Variants in PAPLN observed in about 807,000 individuals in gnomAD.
PAPLN encodes papilin, proteoglycan like sulfated glycoprotein.
In PAPLN, 146 loss-of-function variants were observed where a neutral mutation model predicts 159.0. The ratio of observed to expected loss-of-function variants is 0.92; its 90% confidence interval spans 0.80 to 1.05. The LOEUF is 1.05. PAPLN is among the 50% of genes least tolerant of loss of function. The probability of loss-of-function intolerance (pLI) is 0.00; values close to 1 mark genes in which losing one functional copy is unlikely to be tolerated. For missense variants in PAPLN, 1,720 were observed against 1,743.9 expected (o/e 0.99, Z 0.24); for synonymous variants, 734 against 702.9 (o/e 1.04, Z -0.70).
intron 14 of PAPLN, among the ~76,000 whole-genome samples, chr14:73,256,380 A>C (rs1199794638): frequency 6.6e-6 from 1 of 151,816 alleles, no homozygotes; most frequent in East Asian, 1.9e-4. Flanking sequence ...AAAATACAAA[A>C]AATTAGCTGG....
In PAPLN at chr14:73,245,933, C is replaced by T. The variant is rs892755464; in HGVS notation, c.232-140C>T. 8 of 957,658 alleles carry T rather than the reference C, an allele frequency of 8.4e-6. No homozygotes were observed. Among genetic ancestry groups the T allele is most frequent in the Admixed American group, 3.0e-5 (1 of 33,732 alleles). The allele number at this position is 957,658 out of a possible 1,614,324, so 59.3% of individuals were successfully genotyped here. On this transcript the variant is annotated intron_variant, in intron 4 of 26. Coordinates refer to ENST00000644200, the MANE Select transcript of PAPLN (RefSeq NM_001365906.3). The surrounding 1 kb of genome is among the most constrained non-coding windows in gnomAD (Gnocchi z 4.2). Reference sequence around the variant, plus strand: ...GGGCACGCACAGGAGTTCGGGGGTCCGGGGGGCGGACTCCACCTCCGGCGG... The same window carrying T: ...GGGCACGCACAGGAGTTCGGGGGTCTGGGGGGCGGACTCCACCTCCGGCGG...
rs1011641926 is a variant in PAPLN at position 73,244,475 on chromosome 14, T to C, written c.55-169T>C. 4 of 574,316 alleles carry C rather than the reference T, an allele frequency of 7.0e-6. No homozygotes were observed. The Admixed American group carries it at 9.7e-5, about 14-fold the overall frequency. 35.6% of individuals were successfully genotyped at this position (574,316 alleles called of 1,614,324 possible). A position where few individuals can be genotyped will look rare whatever the true frequency, so the allele number is the denominator to read the frequency against. ...AGCAGGCTAATTCTGAAAAGGAATA[T>C]GTTTTGGGGTGCCCGGCAGTGTTGC... On this transcript the variant is annotated intron_variant, in intron 2 of 26. Transcript: ENST00000644200.
intron 19 of PAPLN, chr14:73,263,225 G>A (rs906764807): frequency 1.9e-5 from 6 of 323,750 alleles, no homozygotes; most frequent in African/African-American, 4.2e-5. Flanking sequence ...CACAGGTGTG[G>A]GTTCTGGTCA....
Position 73,273,240 on chromosome 14 carries a change from A to G in PAPLN, c.*576A>G, listed in dbSNP as rs575938858. On this transcript the variant is annotated 3_prime_UTR_variant, in exon 27 of 27. Transcript: ENST00000644200. ...GATGATCTGCCCGCCTCAGCCTCCC[A>G]AAGTGCTGGGATTACAGGCATGAGC... 6.6e-6 allele frequency: 1 copy of G among 151,590 alleles called. No individual in the cohort carries two copies. The highest frequency in any genetic ancestry group is 2.4e-5 in the African/African-American group (1 of 41,276). The allele number at this position is 151,590 out of a possible 1,614,324, so 9.4% of individuals were successfully genotyped here.
At chr14:73,253,116 C>T (rs1188576536) in intron 11 of PAPLN, 3 of 1,404,884 alleles carry the variant, frequency 2.1e-6, no homozygotes, top group Non-Finnish European at 2.8e-6. Flanking sequence ...GGGGTCAGGC[C>T]AAAGGGCCTG....
At chr14:73,261,342 C>G (rs756112294) in intron 18 of PAPLN, 48 bp downstream of exon 18, 1 of 1,591,650 alleles carries the variant, frequency 6.3e-7, no homozygotes, top group African/African-American at 1.3e-5. Context: ...GACTCTGCTC[C>G]CACCATGCCT....
chr14:73,256,532 C>CAAAA lies in PAPLN; in HGVS notation c.1627+1530_1627+1533dup, dbSNP rs57667060. Among the ~76,000 whole-genome samples, 113 of 92,662 alleles carry CAAAA rather than the reference C, an allele frequency of 1.2e-3. 3 individuals carry two copies. The South Asian group carries it at 0.025, about 21-fold the overall frequency. 60.8% of individuals were successfully genotyped at this position (92,662 alleles called of 152,430 possible). On this transcript the variant is annotated intron_variant, in intron 14 of 26. Coordinates refer to ENST00000644200, the MANE Select transcript of PAPLN (RefSeq NM_001365906.3). ...GAGCAACAAGAGTGAGACTCTGTCT[C>CAAAA]AAAAAAAAAAAAAAAAAAAGAAATA...
At chr14:73,262,242 T>C (rs965541250) in intron 18 of PAPLN, 108 bp from the exon 19 acceptor site, 5 of 1,132,220 alleles carry the variant, frequency 4.4e-6, no homozygotes, top group Non-Finnish European at 5.1e-6. Context: ...GTAGACATGC[T>C]TTATAAGTGG....
chr14:73,256,091 G>T, intron 14 of PAPLN, among the ~76,000 whole-genome samples: 1 of 152,184 alleles, frequency 6.6e-6, no homozygotes, highest in Non-Finnish European at 1.5e-5. Context: ...GCTGGGGCCT[G>T]GTCCTTGGGG....
chr14:73,239,110 C>T (rs1883265596), intron 1 of PAPLN, among the ~76,000 whole-genome samples: 1 of 152,088 alleles, frequency 6.6e-6, no homozygotes, highest in South Asian at 2.1e-4. Context: ...CACAGACACT[C>T]CACACACACT....
chr14:73,253,234 G>A (rs541004142), intron 11 of PAPLN: 9 of 1,358,400 alleles, frequency 6.6e-6, no homozygotes, highest in East Asian at 9.0e-5. Context: ...CAGGTAACCT[G>A]CAGGTCACAG....
chr14:73,270,065 C>T (rs1566712510), intron 26 of PAPLN, among the ~76,000 whole-genome samples: 2 of 152,232 alleles, frequency 1.3e-5, no homozygotes, highest in African/African-American at 4.8e-5. Context: ...AAATGTTGTC[C>T]AGCGGCTTTT....
chr14:73,248,184 T>TGG (rs1884818710), intron 5 of PAPLN, among the ~76,000 whole-genome samples: 1 of 145,080 alleles, frequency 6.9e-6, no homozygotes, highest in African/African-American at 2.6e-5. Context: ...TGTGTGTGTG[T>TGG]GTGTCTGTGT....
intron 6 of PAPLN, among the ~76,000 whole-genome samples, chr14:73,250,667 C>T (rs919208411): frequency 7.2e-5 from 11 of 152,150 alleles, no homozygotes; most frequent in Non-Finnish European, 1.0e-4. Context: ...TCAAACTCTG[C>T]GGGAGAGAGG....
Position 73,265,438 on chromosome 14 carries a change from G to A in PAPLN, c.3194G>A (p.Cys1065Tyr), listed in dbSNP as rs752614026. The A allele has an allele frequency of 1.6e-5, 26 of 1,613,138 alleles. 1 individual carries two copies. Among genetic ancestry groups the A allele is most frequent in the Middle Eastern group, 3.3e-4 (2 of 6,084 alleles). Residue 1065 changes from cysteine (C) to tyrosine (Y), a missense_variant, in exon 23 of 27, where the codon TGC (cysteine) becomes TAC (tyrosine). Physicochemically the swap from Cys to Tyr is radical, Grantham distance 194. Transcript: ENST00000644200. The surrounding 1 kb of genome is among the most constrained non-coding windows in gnomAD (Gnocchi z 4.1). Reference sequence around the variant, plus strand: ...CCAGGCCAGCGGATCCGGATGACCTGCCGTGCCGAAGGCTTCCCGCCCCCA... The same window carrying A: ...CCAGGCCAGCGGATCCGGATGACCTACCGTGCCGAAGGCTTCCCGCCCCCA... Reference protein sequence around the residue: ...ASPGQRIRMTCRAEGFPPPAI... With the variant: ...ASPGQRIRMTYRAEGFPPPAI...
intron 14 of PAPLN, among the ~76,000 whole-genome samples, chr14:73,255,647 G>C (rs146422196): frequency 6.6e-6 from 1 of 152,284 alleles, no homozygotes; most frequent in African/African-American, 2.4e-5. Context: ...GGAAGGGTGT[G>C]GGTTGTGGTG....
At position 73,272,535 on chromosome 14, in the gene PAPLN, C is replaced by A; in HGVS notation, c.3708C>A (p.Val1236=). 1 of 1,585,946 alleles carries A rather than the reference C, an allele frequency of 6.3e-7. No homozygotes were observed. Among genetic ancestry groups the A allele is most frequent in the Non-Finnish European group, 8.6e-7 (1 of 1,157,814 alleles). ...CCAGGGACCCTGGCAGGGACTGCGT[C>A]GACCAGCCAGAGCTGGCCAACTGTG... ...AQPRDPGRDC[V]DQPELANCDL... The change falls in exon 27 of 27, where the codon GTC becomes GTA. Residue 1236 remains valine, a synonymous_variant. Transcript: ENST00000644200.
intron 2 of PAPLN, among the ~76,000 whole-genome samples, chr14:73,242,319 G>A (rs78647558): frequency 0.016 from 2,475 of 152,320 alleles, 53 homozygotes; most frequent in East Asian, 0.048. Context: ...GCCAGGCTGT[G>A]GCTCCATGGC....
At position 73,259,098 on chromosome 14, in the gene PAPLN, G is replaced by C. The variant is rs370423422; in HGVS notation, c.1708+39G>C. ...CCCGTCCCCCACTCAGAGCCCTGTA[G>C]TTTTTGTGTCTGAGTGGATGGTACA... On this transcript the variant is annotated intron_variant, in intron 15 of 26. Coordinates refer to ENST00000644200, the MANE Select transcript of PAPLN (RefSeq NM_001365906.3). The C allele has an allele frequency of 8.9e-6, 14 of 1,579,620 alleles. No individual in the cohort carries two copies. In the African/African-American group the frequency reaches 1.5e-4, roughly 17 times the overall value.
Sources: gnomAD v4.1 joint callset for allele counts (sites outside exome capture counted in the v4.1 genomes callset) on GRCh38, gnomAD v4.1.1 for gene constraint, Gnocchi (gnomAD v3.1) non-coding constraint, MANE v1.5 for transcripts, NCBI Gene and HGNC (gene_info 2026-07-23, HGNC 2026-07-21) for gene names.